Variants in SNX17 observed in about 807,000 individuals in gnomAD.
SNX17 encodes the protein sorting nexin 17.
SNX17 carries 35 observed loss-of-function variants against 64.3 expected under a neutral mutation model. The ratio of observed to expected loss-of-function variants is 0.54; its 90% CI spans 0.42 to 0.72. The LOEUF (loss-of-function observed/expected upper bound fraction) is 0.72. Ranked by LOEUF, SNX17 falls within the 30% of genes least tolerant of loss-of-function variation. The probability of loss-of-function intolerance (pLI) is 0.00; values close to 1 mark genes in which losing one functional copy is unlikely to be tolerated. For missense variants in SNX17, 538 were observed against 610.0 expected (o/e 0.88, Z 1.24); for synonymous variants, 259 against 230.2 (o/e 1.13, Z -1.13).
intron 8 of SNX17, 82 bp downstream of exon 8, chr2:27,374,840 C>T: frequency 7.5e-7 from 1 of 1,339,718 alleles, no homozygotes; most frequent in Admixed American, 1.7e-5. Context: ...GCTGTCGTGT[C>T]TTTGTTCCCA....
At chr2:27,372,287 C>T (rs1364998842) in intron 2 of SNX17, among the ~76,000 whole-genome samples, 1 of 152,222 alleles carries the variant, frequency 6.6e-6, no homozygotes, top group Non-Finnish European at 1.5e-5. Flanking sequence ...ATTAACTGTG[C>T]ACTTTATAAA....
Position 27,371,262 on chromosome 2 carries a change from T to C in SNX17, c.64-7T>C, listed in dbSNP as rs766822743. On this transcript the variant is annotated splice_polypyrimidine_tract_variant and splice_region_variant and intron_variant, in intron 1 of 14. Transcript: ENST00000233575. ...CCTAAAATGCTTGACTACTTTTGTGTCCTCAGGCCTATAACATTCACGTGA... is the reference window on the plus strand; with the variant it reads ...CCTAAAATGCTTGACTACTTTTGTGCCCTCAGGCCTATAACATTCACGTGA... 32 of 1,613,214 alleles carry C rather than the reference T, an allele frequency of 2.0e-5. 1 individual carries two copies. The South Asian group carries it at 3.5e-4, about 18-fold the overall frequency.
In SNX17 at chr2:27,375,976, G is replaced by C. The variant is rs1025533987; in HGVS notation, c.1104+5G>C. ...GTCACCATCACTAGCCCCCAGGTGT[G>C]AACCTACCCTCAGCCCTCCTCTGGA... On this transcript the variant is annotated splice_donor_5th_base_variant and intron_variant, in intron 11 of 14. Coordinates refer to ENST00000233575, the MANE Select transcript of SNX17 (RefSeq NM_014748.4). The surrounding 1 kb of genome is among the most constrained non-coding windows in gnomAD (Gnocchi z 4.1). The C allele has an allele frequency of 1.2e-6, 2 of 1,614,066 alleles. No individual in the cohort carries two copies. The highest frequency in any genetic ancestry group is 2.2e-5 in the South Asian group (2 of 91,078).
intron 8 of SNX17, 113 bp downstream of exon 8, chr2:27,374,871 AATACT>A: frequency 9.1e-7 from 1 of 1,097,096 alleles, no homozygotes; most frequent in Non-Finnish European, 1.4e-6. Context: ...AAGTTCCTAG[AATACT>A]ATCAGTGCTG....
At position 27,376,972 on chromosome 2, in the gene SNX17, A is replaced by AG; in HGVS notation, c.*256dup. On this transcript the variant is annotated 3_prime_UTR_variant, in exon 15 of 15. Coordinates refer to ENST00000233575, the MANE Select transcript of SNX17 (RefSeq NM_014748.4). ...CATTTAGTATTTTGCACAAAGTCTA[A>AG]GGGACCATGGCTGCCTGCCTTGGGG... 2.0e-6 allele frequency: 1 copy of AG among 506,676 alleles called. No individual in the cohort carries two copies. The highest frequency in any genetic ancestry group is 2.1e-5 in the South Asian group (1 of 47,114). The allele number at this position is 506,676 out of a possible 1,614,324, so 31.4% of individuals were successfully genotyped here.
At position 27,375,493 on chromosome 2, in the gene SNX17, G is replaced by T; in HGVS notation, c.775-13G>T. The stretch of plus-strand genomic sequence containing the variant: ...CCCTCCTAATCTACCCCCATGTGAT[G>T]ACCATTTTTCAGTTCCTGAGACTGG... On this transcript the variant is annotated splice_polypyrimidine_tract_variant and intron_variant, in intron 9 of 14. Coordinates refer to ENST00000233575, the MANE Select transcript of SNX17 (RefSeq NM_014748.4). The surrounding 1 kb of genome is among the most constrained non-coding windows in gnomAD (Gnocchi z 4.1). 6.2e-7 allele frequency: 1 copy of T among 1,613,886 alleles called. No individual in the cohort carries two copies. The highest frequency in any genetic ancestry group is 1.1e-5 in the South Asian group (1 of 91,040).
intron 1 of SNX17, 103 bp from the exon 2 acceptor site, chr2:27,371,166 A>T: frequency 1.0e-6 from 1 of 1,001,840 alleles, no homozygotes; most frequent in Non-Finnish European, 1.6e-6. Flanking sequence ...TCGGGAGATT[A>T]GCGCGTTACT....
At chr2:27,372,892 C>A (rs572274841) in intron 3 of SNX17, 152 bp downstream of exon 3, 2 of 1,232,326 alleles carry the variant, frequency 1.6e-6, no homozygotes, top group South Asian at 1.3e-5. Flanking sequence ...AAATAGTGTA[C>A]GAGGATGTGT....
chr2:27,375,340 A>T lies in SNX17; in HGVS notation c.775-166A>T, dbSNP rs1683079028. Among the ~76,000 whole-genome samples the T allele has an allele frequency of 6.6e-6, 1 of 152,096 alleles. No individual in the cohort carries two copies. Among genetic ancestry groups the T allele is most frequent in the Non-Finnish European group, 1.5e-5 (1 of 68,008 alleles). ...TTTTTGGGAGAGACAGGGTTTCACCATGTTAGCCAGGATGGTCTTGAGCTC... is the reference window on the plus strand; with the variant it reads ...TTTTTGGGAGAGACAGGGTTTCACCTTGTTAGCCAGGATGGTCTTGAGCTC... On this transcript the variant is annotated intron_variant, in intron 9 of 14. Transcript: ENST00000233575. The surrounding 1 kb of genome is among the most constrained non-coding windows in gnomAD (Gnocchi z 4.1).
At position 27,376,338 on chromosome 2, in the gene SNX17, C is replaced by T. The variant is rs776593677; in HGVS notation, c.1208C>T (p.Thr403Ile). ...ATGCTGCGCCGGCGGGTGGGGGGTA[C>T]TCTGAGACGCTCAGACAGCCAGCAA... is the stretch of plus-strand genomic sequence containing the variant. ...RKMLRRRVGG[T>I]LRRSDSQQAV... Residue 403 changes from threonine to isoleucine, a missense_variant, in exon 13 of 15, where the codon ACT becomes ATT. Transcript: ENST00000233575. The T allele has an allele frequency of 1.1e-5, 18 of 1,612,404 alleles. No individual in the cohort carries two copies. The highest frequency in any genetic ancestry group is 1.6e-4 in the Middle Eastern group (1 of 6,080).
At chr2:27,372,384 C>T (rs1285833200) in intron 2 of SNX17, among the ~76,000 whole-genome samples, 2 of 152,172 alleles carry the variant, frequency 1.3e-5, no homozygotes, top group Non-Finnish European at 2.9e-5. Context: ...TACAAATCCT[C>T]CCCGTACTGT....
chr2:27,374,724 A>G lies in SNX17; in HGVS notation c.647A>G (p.Glu216Gly). The G allele has an allele frequency of 6.2e-7, 1 of 1,614,136 alleles. No homozygotes were observed. The highest frequency in any genetic ancestry group is 8.5e-7 in the Non-Finnish European group (1 of 1,180,026). Residue 216 changes from glutamate (E) to glycine (G), a missense_variant, in exon 8 of 15, where the codon GAG (glutamate) becomes GGG (glycine). Glu to Gly is a moderately conservative substitution (Grantham distance 98). Around this residue, in one of 3 missense-constraint regions of SNX17, gnomAD observed 505 missense variants for 550.4 expected, o/e 0.92. Coordinates refer to ENST00000233575, the MANE Select transcript of SNX17 (RefSeq NM_014748.4). ...TCTGCCTATGATGACGATGTCATGG[A>G]GAACCGGGTTGGCCTGAACCTGCTT... ...WDSAYDDDVMENRVGLNLLYA... is the reference protein window; with the variant it reads ...WDSAYDDDVMGNRVGLNLLYA...
At position 27,375,956 on chromosome 2, in the gene SNX17, C is replaced by T. The variant is rs959795109; in HGVS notation, c.1089C>T (p.Thr363=). 1.9e-6 allele frequency: 3 copies of T among 1,614,122 alleles called. No homozygotes were observed. Among genetic ancestry groups the T allele is most frequent in the African/African-American group, 2.7e-5 (2 of 75,040 alleles). Residue 363 remains threonine (T), a synonymous_variant, in exon 11 of 15, where the codon ACC becomes ACT. Coordinates refer to ENST00000233575, the MANE Select transcript of SNX17 (RefSeq NM_014748.4). The surrounding 1 kb of genome is among the most constrained non-coding windows in gnomAD (Gnocchi z 4.1). ...GCAAGGACCGGCTACAGTGGGTCACCATCACTAGCCCCCAGGTGTGAACCT... is the reference window on the plus strand; with the variant it reads ...GCAAGGACCGGCTACAGTGGGTCACTATCACTAGCCCCCAGGTGTGAACCT... ...LMSKDRLQWV[T]ITSPQAIMMS...
Position 27,377,312 on chromosome 2 carries a change from G to A in SNX17, c.*593G>A, listed in dbSNP as rs924247933. On this transcript the variant is annotated 3_prime_UTR_variant, in exon 15 of 15. Transcript: ENST00000233575. The surrounding 1 kb of genome is among the most constrained non-coding windows in gnomAD (Gnocchi z 4.4). ...TGGGAGGCTGGGCAGTCCCCCAGCC[G>A]GTTTGTCCACAGCCCCTGGGGGCAG... 5 of 657,218 alleles carry A rather than the reference G, an allele frequency of 7.6e-6. No individual in the cohort carries two copies. Among genetic ancestry groups the A allele is most frequent in the Admixed American group, 2.4e-5 (1 of 41,666 alleles). The allele number at this position is 657,218 out of a possible 1,614,324, so 40.7% of individuals were successfully genotyped here.
rs751492490 is a variant in SNX17, at chr2:27,375,717, G to C, written c.978+8G>C. On this transcript the variant is annotated splice_region_variant and intron_variant, in intron 10 of 14. Coordinates refer to ENST00000233575, the MANE Select transcript of SNX17 (RefSeq NM_014748.4). This position sits in a 1 kb window ranked among gnomAD's most constrained non-coding sequence, Gnocchi z 4.1. ...TGGCGGGTCACCTCCTCTGTGAGTC[G>C]GGTTAGGAGGGGGAAGGGCCTGGGT... The C allele has an allele frequency of 9.9e-6, 16 of 1,613,542 alleles. No individual in the cohort carries two copies. Among genetic ancestry groups the C allele is most frequent in the Admixed American group, 3.3e-5 (2 of 60,004 alleles).
chr2:27,372,284 G>C (rs573221463), intron 2 of SNX17, among the ~76,000 whole-genome samples: 2 of 152,218 alleles, frequency 1.3e-5, no homozygotes, highest in Non-Finnish European at 2.9e-5. Context: ...GCTATTAACT[G>C]TGCACTTTAT....
At position 27,377,342 on chromosome 2, in the gene SNX17, G is replaced by A; in HGVS notation, c.*623G>A. The A allele has an allele frequency of 1.4e-6, 1 of 706,926 alleles. No individual in the cohort carries two copies. The allele number at this position is 706,926 out of a possible 1,614,324, so 43.8% of individuals were successfully genotyped here. On this transcript the variant is annotated 3_prime_UTR_variant, in exon 15 of 15. Coordinates refer to ENST00000233575, the MANE Select transcript of SNX17 (RefSeq NM_014748.4). This position sits in a 1 kb window ranked among gnomAD's most constrained non-coding sequence, Gnocchi z 4.4. ...GTCCACAGCCCCTGGGGGCAGTGGA[G>A]GTGAATACAGGGCCCTTCTCACTGA... is the stretch of plus-strand genomic sequence containing the variant.
At position 27,370,800 on chromosome 2, in the gene SNX17, C is replaced by G. The variant is rs1296516729; in HGVS notation, c.57C>G (p.Ala19=). Residue 19 remains alanine, a synonymous_variant, in exon 1 of 15, where the codon GCC becomes GCG. Coordinates refer to ENST00000233575, the MANE Select transcript of SNX17 (RefSeq NM_014748.4). ...GCAGCGGGGACAGCGGCGGCTCCGC[C>G]TACGTGGTGAGGAGCGGCCGGAGCC... ...ESRSGDSGGS[A]YVAYNIHVNG... The G allele has an allele frequency of 6.5e-7, 1 of 1,544,460 alleles. No homozygotes were observed. The highest frequency in any genetic ancestry group is 2.0e-5 in the Admixed American group (1 of 50,960).
rs747207947 is a variant in SNX17 at position 27,376,667 on chromosome 2, G to A, written c.1361G>A (p.Ser454Asn). ...AGTCCCAGCACAGATGCCAGTGCCA[G>A]TGATGTCCACGGCAATTTCGCCTTC... Reference protein sequence around the residue: ...IGSPSTDASASDVHGNFAFEG... With the variant: ...IGSPSTDASANDVHGNFAFEG... The change falls in exon 15 of 15, where the codon AGT becomes AAT. Residue 454 changes from serine (S) to asparagine (N), a missense_variant. Physicochemically the swap from Ser to Asn is conservative, Grantham distance 46 (BLOSUM62 1). Around this residue, in one of 3 missense-constraint regions of SNX17, gnomAD observed 505 missense variants for 550.4 expected, o/e 0.92. Coordinates refer to ENST00000233575, the MANE Select transcript of SNX17 (RefSeq NM_014748.4). 8 of 1,614,104 alleles carry A rather than the reference G, an allele frequency of 5.0e-6. No individual in the cohort carries two copies. Among genetic ancestry groups the A allele is most frequent in the Admixed American group, 1.7e-5 (1 of 60,008 alleles).
Sources: gnomAD v4.1 joint callset for allele counts (sites outside exome capture counted in the v4.1 genomes callset) on GRCh38, gnomAD v4.1.1 for gene constraint, gnomAD v4.1.1 regional missense constraint, Gnocchi (gnomAD v3.1) non-coding constraint, MANE v1.5 for transcripts, NCBI Gene and HGNC (gene_info 2026-07-23, HGNC 2026-07-21) for gene names.